Variants in MTUS2 observed in about 807,000 individuals in gnomAD.
MTUS2 encodes the protein microtubule associated scaffold protein 2.
In MTUS2, 40 loss-of-function variants were observed where a neutral mutation model predicts 114.1. The observed-to-expected ratio is 0.35, with a 90% CI of 0.27 to 0.46. MTUS2 has a LOEUF of 0.46. Among genes scored for constraint, MTUS2 ranks in the 20% least tolerant of loss-of-function variants. The probability of loss-of-function intolerance (pLI) is 1.00; values close to 1 mark genes in which losing one functional copy is unlikely to be tolerated. For synonymous variants in MTUS2, 688 were observed against 672.0 expected, an observed-to-expected ratio of 1.02 and a Z score of -0.37; for missense variants, 1,679 against 1,705.4, an observed-to-expected ratio of 0.98 and a Z score of 0.27.
At chr13:29,019,551 A>G (rs1337688464) in intron 2 of MTUS2, among the ~76,000 whole-genome samples, 1 of 152,210 alleles carries the variant, frequency 6.6e-6, no homozygotes, top group Non-Finnish European at 1.5e-5. Context: ...TGAGAAGTAT[A>G]TTTTTATGAT....
intron 5 of MTUS2, among the ~76,000 whole-genome samples, chr13:29,225,492 G>A (rs1896072878): frequency 6.6e-6 from 1 of 152,066 alleles, no homozygotes; most frequent in South Asian, 2.1e-4. Flanking sequence ...TAGAATTGAG[G>A]GTGACATTCT....
chr13:29,019,697 C>T (rs746013018), intron 2 of MTUS2, among the ~76,000 whole-genome samples: 13 of 152,172 alleles, frequency 8.5e-5, no homozygotes, highest in Non-Finnish European at 1.8e-4. Context: ...ATGAGGAGGT[C>T]ATTCTTAGAA....
At chr13:29,466,176 C>T (rs1879868953) in intron 9 of MTUS2, among the ~76,000 whole-genome samples, 1 of 152,240 alleles carries the variant, frequency 6.6e-6, no homozygotes, top group African/African-American at 2.4e-5. Context: ...TATCTCCTTG[C>T]TTTGTTTCAA....
chr13:28,923,993 T>C (rs1229818752), intron 2 of MTUS2, among the ~76,000 whole-genome samples: 1 of 152,046 alleles, frequency 6.6e-6, no homozygotes, highest in African/African-American at 2.4e-5. Context: ...GGGAGCAGAG[T>C]GATTCCCCTA....
intron 4 of MTUS2, among the ~76,000 whole-genome samples, chr13:29,039,040 C>T (rs1027429069): frequency 6.6e-6 from 1 of 152,208 alleles, no homozygotes; most frequent in Non-Finnish European, 1.5e-5. Context: ...GCCTTGGGGA[C>T]CATCTCTCTC....
chr13:28,996,813 C>T (rs1489791895), intron 2 of MTUS2, among the ~76,000 whole-genome samples: 25 of 152,108 alleles, frequency 1.6e-4, no homozygotes, highest in Admixed American at 3.9e-4. Flanking sequence ...GTCTTGCTAG[C>T]GGTCTATCAA....
chr13:29,132,817 G>A (rs144438499), intron 5 of MTUS2, among the ~76,000 whole-genome samples: 1 of 152,064 alleles, frequency 6.6e-6, no homozygotes, highest in African/African-American at 2.4e-5. Context: ...TGAACCTGGG[G>A]GTACAAATAT....
chr13:29,296,865 A>T (rs1898969331), intron 6 of MTUS2, among the ~76,000 whole-genome samples: 2 of 152,152 alleles, frequency 1.3e-5, no homozygotes, highest in South Asian at 4.1e-4. Flanking sequence ...TGGATGAATC[A>T]TTTGCAATTT....
intron 2 of MTUS2, among the ~76,000 whole-genome samples, chr13:28,953,318 G>A (rs1882902641): frequency 6.6e-6 from 1 of 152,008 alleles, no homozygotes; most frequent in South Asian, 2.1e-4. Context: ...AGACCAGCCC[G>A]GCCAACATGG....
intron 2 of MTUS2, among the ~76,000 whole-genome samples, chr13:28,942,250 C>T (rs921642272): frequency 3.9e-5 from 6 of 152,114 alleles, no homozygotes; most frequent in Non-Finnish European, 7.4e-5. Context: ...CATTAGTCAT[C>T]AGGGAAATGC....
chr13:29,428,942 G>C, intron 8 of MTUS2: 1 of 1,601,730 alleles, frequency 6.2e-7, no homozygotes, highest in Non-Finnish European at 8.6e-7. Flanking sequence ...CCTTTGCAAG[G>C]GCAGAGAGAA....
intron 2 of MTUS2, among the ~76,000 whole-genome samples, chr13:28,892,948 A>G (rs1879020510): frequency 6.6e-6 from 1 of 152,076 alleles, no homozygotes; most frequent in African/African-American, 2.4e-5. Flanking sequence ...TTTTTTTAGC[A>G]TGTGGAATTT....
At chr13:29,056,664 T>C (rs1888148328) in intron 4 of MTUS2, among the ~76,000 whole-genome samples, 1 of 152,106 alleles carries the variant, frequency 6.6e-6, no homozygotes, top group South Asian at 2.1e-4. Context: ...ATGTCCCCTT[T>C]ATCATTTCTT....
intron 7 of MTUS2, among the ~76,000 whole-genome samples, chr13:29,353,877 C>T (rs1869508276): frequency 6.6e-6 from 1 of 152,140 alleles, no homozygotes; most frequent in African/African-American, 2.4e-5. Flanking sequence ...AGAGTTCTGT[C>T]CCCATCCTGA....
chr13:29,195,278 G>T (rs1054361157), intron 5 of MTUS2, among the ~76,000 whole-genome samples: 7 of 149,810 alleles, frequency 4.7e-5, no homozygotes, highest in African/African-American at 1.7e-4. Flanking sequence ...AGTAATACAG[G>T]TTTAGTGTAG....
In MTUS2 at chr13:29,480,096, T is replaced by A. The variant is rs759115320; in HGVS notation, c.3185-54T>A. On this transcript the variant is annotated intron_variant, in intron 9 of 15. Coordinates refer to ENST00000612955, the MANE Select transcript of MTUS2 (RefSeq NM_001033602.4). This position sits in a 1 kb window ranked among gnomAD's most constrained non-coding sequence, Gnocchi z 4.4. ...GATCTGACCATGGAGGCTGAGTCCT[T>A]CCCATGCCTCCTACGGCCATTTTTT... 1.6e-5 allele frequency: 25 copies of A among 1,528,118 alleles called. No homozygotes were observed. Among genetic ancestry groups the A allele is most frequent in the Non-Finnish European group, 2.1e-5 (24 of 1,128,294 alleles). 94.7% of individuals were successfully genotyped at this position (1,528,118 alleles called of 1,614,324 possible).
chr13:29,359,324 G>A lies in MTUS2; in HGVS notation c.2968G>A (p.Ala990Thr), dbSNP rs1382895485. ...GTTTCCGCCCAAGCCGGACCCGCAG[G>A]CCCGTGAGGCTGAGCGGCAGCTGGT... ...NGFPPKPDPQAREAERQLVLR... is the reference protein window; with the variant it reads ...NGFPPKPDPQTREAERQLVLR... Residue 990 changes from alanine (A) to threonine (T), a missense_variant, in exon 8 of 16, where the codon GCC becomes ACC. Transcript: ENST00000612955. 6.2e-7 allele frequency: 1 copy of A among 1,610,956 alleles called. No individual in the cohort carries two copies. Among genetic ancestry groups the A allele is most frequent in the Non-Finnish European group, 8.5e-7 (1 of 1,178,782 alleles).
At chr13:28,909,451 A>G (rs904426725) in intron 2 of MTUS2, among the ~76,000 whole-genome samples, 39 of 152,254 alleles carry the variant, frequency 2.6e-4, no homozygotes, top group Non-Finnish European at 5.1e-4. Flanking sequence ...TCTTTGAAGC[A>G]ATTGTGAATG....
chr13:29,188,750 C>T (rs961692510), intron 5 of MTUS2, among the ~76,000 whole-genome samples: 9 of 152,094 alleles, frequency 5.9e-5, no homozygotes, highest in Non-Finnish European at 1.3e-4. Flanking sequence ...CCCTTCTTTC[C>T]CAGGAGTTCC....
Sources: allele counts gnomAD v4.1 joint callset (sites outside exome capture counted in the v4.1 genomes callset), GRCh38; gene constraint gnomAD v4.1.1; non-coding constraint Gnocchi (gnomAD v3.1); transcripts MANE v1.5; gene names NCBI Gene and HGNC (gene_info 2026-07-23, HGNC 2026-07-21).